The following LRP1B variants were observed in gnomAD, a reference collection of about 807,000 sequenced individuals.
The protein encoded by LRP1B is LDL receptor related protein 1B.
LRP1B carries 217 observed loss-of-function variants against 556.6 expected under a neutral mutation model. The ratio of observed to expected loss-of-function variants is 0.39; its 90% CI spans 0.35 to 0.44. LRP1B has a LOEUF of 0.44. LRP1B is among the 20% of genes least tolerant of loss of function. The pLI is 1.00. For missense variants in LRP1B, 5,053 were observed against 5,620.8 expected, an observed-to-expected ratio of 0.90 and a Z score of 3.23; for synonymous variants, 2,047 against 1,865.8, an observed-to-expected ratio of 1.10 and a Z score of -2.50.
intron 20 of LRP1B, among the ~76,000 whole-genome samples, chr2:140,936,523 C>A (rs1374153322): frequency 6.6e-6 from 1 of 151,952 alleles, no homozygotes; most frequent in Non-Finnish European, 1.5e-5. Context: ...ACTAGACCTT[C>A]CCTGCAAGAA....
At chr2:141,952,587 G>C (rs1025963387) in intron 1 of LRP1B, among the ~76,000 whole-genome samples, 2 of 152,078 alleles carry the variant, frequency 1.3e-5, no homozygotes, top group Admixed American at 6.6e-5. Context: ...CTTTTAAAGA[G>C]AGAGGCTTTA....
At chr2:140,955,694 A>T (rs1201377410) in intron 18 of LRP1B, among the ~76,000 whole-genome samples, 1 of 151,764 alleles carries the variant, frequency 6.6e-6, no homozygotes, top group Middle Eastern at 3.2e-3. Flanking sequence ...TTGTCAGGTT[A>T]TAGGTAAGCT....
At chr2:141,319,840 C>G (rs1687174683) in intron 3 of LRP1B, among the ~76,000 whole-genome samples, 1 of 152,020 alleles carries the variant, frequency 6.6e-6, no homozygotes, top group Non-Finnish European at 1.5e-5. Flanking sequence ...AGGAGAAGAA[C>G]TGGAATACAA....
rs2105198133 is a variant in LRP1B at position 140,601,468 on chromosome 2, G to T, written c.6971C>A (p.Ala2324Asp). ...TTCTTACTTTTGACATTCATCCAAG[G>T]CTAGCACATGTGGATGGTCATCTTC... ...MSEDDHPHVL[A>D]LDECQNLMFW... Residue 2324 changes from alanine to aspartate, a missense_variant, in exon 42 of 91, where the codon GCC becomes GAC. Ala to Asp is a moderately radical substitution (Grantham distance 126). Around this residue, in one of 5 missense-constraint regions of LRP1B, gnomAD observed 3,619 missense variants for 3,931.9 expected, o/e 0.92. Transcript: ENST00000389484. 6.2e-7 allele frequency: 1 copy of T among 1,611,688 alleles called. No homozygotes were observed. Among genetic ancestry groups the T allele is most frequent in the Non-Finnish European group, 8.5e-7 (1 of 1,178,516 alleles).
chr2:141,799,578 A>G lies in LRP1B; in HGVS notation c.205+10701T>C, dbSNP rs144837949. 3.2e-3 allele frequency among the ~76,000 whole-genome samples: 487 copies of G among 152,080 alleles called. 3 individuals carry two copies. Among genetic ancestry groups the G allele is most frequent in the African/African-American group, 0.011 (460 of 41,496 alleles). ...AACTTGGAGGCTGATTCTTCCTCAC[A>G]CCCTCTCGATAAGTCCCCAGCCTGA... is the stretch of plus-strand genomic sequence containing the variant. On this transcript the variant is annotated intron_variant, in intron 2 of 90. Coordinates refer to ENST00000389484, the MANE Select transcript of LRP1B (RefSeq NM_018557.3).
rs577365871 is a variant in LRP1B, at chr2:141,618,129, G to A, written c.206-137596C>T. ...TATGTATTTTGAGGTCTGAGGGGAC[G>A]GAGAAAGAACTTGCCCTTAAACAGA... On this transcript the variant is annotated intron_variant, in intron 2 of 90. Transcript: ENST00000389484. Among the ~76,000 whole-genome samples, 6 of 152,216 alleles carry A rather than the reference G, an allele frequency of 3.9e-5. No homozygotes were observed. In the South Asian group the frequency reaches 1.0e-3, roughly 26 times the overall value.
At chr2:140,323,863 A>AT in intron 81 of LRP1B, 30 bp downstream of exon 81, 1 of 1,128,838 alleles carries the variant, frequency 8.9e-7, no homozygotes, top group South Asian at 1.6e-5. Context: ...ATTTACCAAT[A>AT]TAGACAACTT....
intron 1 of LRP1B, among the ~76,000 whole-genome samples, chr2:142,091,612 G>A (rs954049344): frequency 6.6e-6 from 1 of 152,110 alleles, no homozygotes; most frequent in Admixed American, 6.6e-5. Flanking sequence ...TTCTATATGT[G>A]AAAACCCCTA....
chr2:141,014,199 G>A (rs1049890417), intron 13 of LRP1B, among the ~76,000 whole-genome samples: 2 of 151,922 alleles, frequency 1.3e-5, no homozygotes, highest in African/African-American at 4.8e-5. Context: ...AACAGCATTG[G>A]GAGTCAAAAG....
chr2:141,685,822 A>C (rs1691274173), intron 2 of LRP1B, among the ~76,000 whole-genome samples: 1 of 152,080 alleles, frequency 6.6e-6, no homozygotes, highest in South Asian at 2.1e-4. Flanking sequence ...GTCCCCAGAA[A>C]TAGAAAACTA....
At chr2:140,497,714 A>T (rs960165974) in intron 55 of LRP1B, among the ~76,000 whole-genome samples, 4 of 151,866 alleles carry the variant, frequency 2.6e-5, no homozygotes, top group African/African-American at 9.7e-5. Flanking sequence ...GTATTATTAA[A>T]TGAAACAAAG....
At chr2:141,522,910 T>A (rs1684575087) in intron 2 of LRP1B, among the ~76,000 whole-genome samples, 1 of 152,154 alleles carries the variant, frequency 6.6e-6, no homozygotes. Flanking sequence ...TTGTCATCAA[T>A]GAACTAATGA....
intron 10 of LRP1B, among the ~76,000 whole-genome samples, chr2:141,054,671 A>T (rs1231722765): frequency 6.6e-6 from 1 of 151,976 alleles, no homozygotes; most frequent in Admixed American, 6.6e-5. Context: ...GACAAATTAA[A>T]TCATGGAGTG....
intron 1 of LRP1B, among the ~76,000 whole-genome samples, chr2:142,020,204 T>A (rs1179514272): frequency 6.6e-6 from 1 of 152,098 alleles, no homozygotes; most frequent in African/African-American, 2.4e-5. Flanking sequence ...ACCAAGTCGT[T>A]CATGAGTGGT....
intron 2 of LRP1B, among the ~76,000 whole-genome samples, chr2:141,702,157 A>G (rs1691960982): frequency 6.6e-6 from 1 of 151,918 alleles, no homozygotes; most frequent in Admixed American, 6.6e-5. Flanking sequence ...ACACTGGGTG[A>G]AAATGGCATG....
At chr2:141,800,758 A>C (rs886755090) in intron 2 of LRP1B, among the ~76,000 whole-genome samples, 1 of 152,232 alleles carries the variant, frequency 6.6e-6, no homozygotes, top group African/African-American at 2.4e-5. Flanking sequence ...AAGTGAGAAA[A>C]AAACTAGCAT....
At chr2:141,218,982 G>A (rs937144595) in intron 6 of LRP1B, among the ~76,000 whole-genome samples, 1 of 152,218 alleles carries the variant, frequency 6.6e-6, no homozygotes, top group Admixed American at 6.5e-5. Flanking sequence ...GTGCCACACA[G>A]GATAAGGGGA....
chr2:140,997,113 C>T (rs754311205), intron 15 of LRP1B, among the ~76,000 whole-genome samples: 3 of 151,838 alleles, frequency 2.0e-5, no homozygotes, highest in East Asian at 1.9e-4. Flanking sequence ...AAAAAATTGA[C>T]AAAGTAATAA....
At chr2:140,252,939 G>A (rs1030654939) in intron 86 of LRP1B, among the ~76,000 whole-genome samples, 23 of 151,932 alleles carry the variant, frequency 1.5e-4, no homozygotes, top group Admixed American at 3.3e-4. Flanking sequence ...TCTACAGCAA[G>A]TTACCATATA....
Sources: allele counts gnomAD v4.1 joint callset (sites outside exome capture counted in the v4.1 genomes callset), GRCh38; gene constraint gnomAD v4.1.1; regional missense constraint gnomAD v4.1.1; transcripts MANE v1.5; gene names NCBI Gene and HGNC (gene_info 2026-07-23, HGNC 2026-07-21).